The following ADGRL2 variants were observed in gnomAD, a reference collection of about 807,000 sequenced individuals.
The protein encoded by ADGRL2 is adhesion G protein-coupled receptor L2, also known as calcium-independent alpha-latrotoxin receptor 2.
A neutral mutation model predicts 157.4 loss-of-function variants in ADGRL2; 44 were observed. The ratio of observed to expected loss-of-function variants is 0.28; its 90% CI spans 0.22 to 0.36. The LOEUF (loss-of-function observed/expected upper bound fraction) is 0.36, where lower values mean the gene tolerates loss of function less well. Ranked by LOEUF, ADGRL2 falls within the 10% of genes least tolerant of loss-of-function variation. The probability of loss-of-function intolerance (pLI) is 1.00; values close to 1 mark genes in which losing one functional copy is unlikely to be tolerated. For synonymous variants in ADGRL2, 585 were observed against 624.7 expected (o/e 0.94, Z 0.95); for missense variants, 1,510 against 1,768.9 (o/e 0.85, Z 2.63).
At chr1:81,383,363 T>G (rs559712410) in intron 1 of ADGRL2, among the ~76,000 whole-genome samples, 2 of 152,238 alleles carry the variant, frequency 1.3e-5, no homozygotes, top group African/African-American at 4.8e-5. Context: ...AAAACGGCTT[T>G]CATGTTGTAA....
Position 81,572,732 on chromosome 1 carries a change from T to C in ADGRL2, c.-247-8144T>C, listed in dbSNP as rs555024866. The stretch of plus-strand genomic sequence containing the variant: ...GGAGAAAAAAGTTTCCTGGCCAAAT[T>C]ATTTTGCAAAATGCTGGGTTCAACA... On this transcript the variant is annotated intron_variant, in intron 2 of 24. Transcript: ENST00000370721. Among the ~76,000 whole-genome samples the C allele has an allele frequency of 1.2e-4, 18 of 152,222 alleles. No individual in the cohort carries two copies. In the South Asian group the frequency reaches 3.5e-3, roughly 30 times the overall value.
chr1:81,615,564 C>T (rs780661054), intron 3 of ADGRL2, among the ~76,000 whole-genome samples: 9 of 152,204 alleles, frequency 5.9e-5, no homozygotes, highest in Non-Finnish European at 1.3e-4. Flanking sequence ...TCCGGACACA[C>T]CATCTTTAAG....
intron 3 of ADGRL2, among the ~76,000 whole-genome samples, chr1:81,659,419 G>T (rs1488864464): frequency 6.6e-6 from 1 of 152,106 alleles, no homozygotes; most frequent in Non-Finnish European, 1.5e-5. Flanking sequence ...CCCCCAAAGT[G>T]CATGCCAATG....
chr1:81,922,598 T>C (rs903639542), intron 3 of ADGRL2, among the ~76,000 whole-genome samples: 1 of 152,190 alleles, frequency 6.6e-6, no homozygotes, highest in South Asian at 2.1e-4. Context: ...ATAGATATTA[T>C]TCAGATGTGG....
chr1:81,671,457 A>T, intron 3 of ADGRL2, among the ~76,000 whole-genome samples: 1 of 151,768 alleles, frequency 6.6e-6, no homozygotes, highest in East Asian at 1.9e-4. Flanking sequence ...TCATCCAGGG[A>T]TCTTGTTAAA....
chr1:81,379,814 A>G lies in ADGRL2; in HGVS notation c.-301-65222A>G, dbSNP rs372532233. On this transcript the variant is annotated intron_variant, in intron 1 of 24. Transcript: ENST00000370721. ...TGCCTTGCTAGGATCTCGAGTTTCT[A>G]TAGGCCTAGGATGGGGGCATGGTGG... Among the ~76,000 whole-genome samples the G allele has an allele frequency of 7.9e-5, 12 of 152,228 alleles. No individual in the cohort carries two copies. The East Asian group carries it at 2.1e-3, about 27-fold the overall frequency.
At chr1:81,834,069 A>C (rs1416967379) in intron 1 of ADGRL2, among the ~76,000 whole-genome samples, 1 of 152,144 alleles carries the variant, frequency 6.6e-6, no homozygotes, top group Non-Finnish European at 1.5e-5. Context: ...AGTCATAGTC[A>C]TTTATAGTTT....
At chr1:81,627,915 C>G (rs1413373770) in intron 3 of ADGRL2, among the ~76,000 whole-genome samples, 1 of 152,160 alleles carries the variant, frequency 6.6e-6, no homozygotes, top group Non-Finnish European at 1.5e-5. Context: ...CAGGAGCCAT[C>G]CTTGACTAGT....
At chr1:81,600,814 C>G (rs1247669218) in intron 3 of ADGRL2, among the ~76,000 whole-genome samples, 1 of 152,152 alleles carries the variant, frequency 6.6e-6, no homozygotes, top group East Asian at 1.9e-4. Flanking sequence ...TCTAAGTAAA[C>G]TTTGATTTAC....
chr1:81,779,196 A>G (rs2086714862), intron 2 of ADGRL2, among the ~76,000 whole-genome samples: 1 of 152,200 alleles, frequency 6.6e-6, no homozygotes, highest in South Asian at 2.1e-4. Flanking sequence ...TACAGGAAAA[A>G]AAACAAAAAC....
intron 3 of ADGRL2, chr1:81,596,470 G>A (rs773309789): frequency 6.4e-5 from 29 of 452,450 alleles, no homozygotes; most frequent in Non-Finnish European, 1.2e-4. Flanking sequence ...GTCACCTCCG[G>A]CTCCAAGGGT....
intron 1 of ADGRL2, among the ~76,000 whole-genome samples, chr1:81,719,168 C>T (rs1295530218): frequency 2.6e-5 from 4 of 152,186 alleles, no homozygotes; most frequent in Non-Finnish European, 4.4e-5. Flanking sequence ...TGCCTCATGG[C>T]AAGGAATATA....
At chr1:81,633,595 CAAAAAAAAA>C (rs369967142) in intron 3 of ADGRL2, among the ~76,000 whole-genome samples, 3 of 50,276 alleles carry the variant, frequency 6.0e-5, no homozygotes, top group African/African-American at 1.6e-4. Flanking sequence ...GACTCTGTCT[CAAAAAAAAA>C]AAAAAAAAAA....
chr1:81,534,129 A>G (rs1335366821), intron 2 of ADGRL2, among the ~76,000 whole-genome samples: 1 of 151,904 alleles, frequency 6.6e-6, no homozygotes, highest in Non-Finnish European at 1.5e-5. Flanking sequence ...ATTACAAGTT[A>G]TTTTATTTTA....
rs1661223819 is a variant in ADGRL2 at position 81,330,860 on chromosome 1, A to G, written c.-302+24351A>G. On this transcript the variant is annotated intron_variant, in intron 1 of 24. Transcript: ENST00000370721. Reference sequence around the variant, plus strand: ...ACCTGATAGGTGCATTTGAGAAAATATGAACGTTGCTCAACGGATGTTTTA... The same window carrying G: ...ACCTGATAGGTGCATTTGAGAAAATGTGAACGTTGCTCAACGGATGTTTTA... 2.6e-5 allele frequency among the ~76,000 whole-genome samples: 4 copies of G among 152,334 alleles called. No individual in the cohort carries two copies. The South Asian group carries it at 8.3e-4, about 32-fold the overall frequency.
At chr1:81,854,636 T>C (rs1007245382) in intron 2 of ADGRL2, among the ~76,000 whole-genome samples, 1 of 152,184 alleles carries the variant, frequency 6.6e-6, no homozygotes, top group African/African-American at 2.4e-5. Flanking sequence ...TAGGTATGGG[T>C]ATTATCTTAA....
intron 3 of ADGRL2, among the ~76,000 whole-genome samples, chr1:81,637,164 A>G (rs1557525854): frequency 6.6e-6 from 1 of 152,158 alleles, no homozygotes; most frequent in Non-Finnish European, 1.5e-5. Context: ...CAAGTTGGGA[A>G]GCACTGCACT....
intron 2 of ADGRL2, among the ~76,000 whole-genome samples, chr1:81,840,126 G>A (rs2092507418): frequency 6.6e-6 from 1 of 151,644 alleles, no homozygotes; most frequent in African/African-American, 2.4e-5. Flanking sequence ...AATACTTGTT[G>A]GTGCCTTGAG....
intron 3 of ADGRL2, among the ~76,000 whole-genome samples, chr1:81,584,812 A>AT (rs1248725083): frequency 6.6e-6 from 1 of 152,030 alleles, no homozygotes; most frequent in Non-Finnish European, 1.5e-5. Flanking sequence ...AACTTCTAAG[A>AT]TTTTCCCGAG....
Sources: allele counts gnomAD v4.1 joint callset (sites outside exome capture counted in the v4.1 genomes callset), GRCh38; gene constraint gnomAD v4.1.1; transcripts MANE v1.5; gene names NCBI Gene and HGNC (gene_info 2026-07-23, HGNC 2026-07-21).